Variants in DES observed in about 807,000 individuals in gnomAD.
DES encodes desmin, also known as cardiomyopathy, dilated 1F (autosomal dominant).
In DES, 34 loss-of-function variants were observed where a neutral mutation model predicts 55.1. The observed-to-expected ratio is 0.62, with a 90% confidence interval of 0.47 to 0.82. The LOEUF (loss-of-function observed/expected upper bound fraction) is 0.82, where lower values mean the gene tolerates loss of function less well. Among genes scored for constraint, DES ranks in the 40% least tolerant of loss-of-function variants. The pLI, the probability that DES is intolerant of heterozygous loss-of-function variation, is 0.00. For missense variants in DES, 596 were observed against 645.9 expected (o/e 0.92, Z 0.84); for synonymous variants, 259 against 270.8 (o/e 0.96, Z 0.43).
chr2:219,425,784 C>T (rs1159810639), intron 8 of DES, 39 bp downstream of exon 8: 7 of 1,604,984 alleles, frequency 4.4e-6, no homozygotes, highest in Non-Finnish European at 6.0e-6. Context: ...TTGGTGGGGG[C>T]TATGGATGTG....
In DES at chr2:219,418,984, G is replaced by A. The variant is rs1192053692; in HGVS notation, c.522G>A (p.Ala174=). ...RQVEVLTNQR[A]RVDVERDNLL... is the part of the protein sequence containing the mutation. ...TGGAGGTGCTCACTAACCAGCGCGC[G>A]CGCGTCGACGTCGAGCGCGACAACC... Residue 174 remains alanine (A), a synonymous_variant, in exon 1 of 9, where the codon GCG becomes GCA. Coordinates refer to ENST00000373960, the MANE Select transcript of DES (RefSeq NM_001927.4). 6.4e-7 allele frequency: 1 copy of A among 1,551,982 alleles called. No individual in the cohort carries two copies. Among genetic ancestry groups the A allele is most frequent in the Admixed American group, 1.9e-5 (1 of 51,408 alleles).
At position 219,419,555 on chromosome 2, in the gene DES, G is replaced by A. The variant is rs1032304941; in HGVS notation, c.578+515G>A. The stretch of plus-strand genomic sequence containing the variant: ...GGGAGCTTGGCCCTGGGGCCTTGCC[G>A]AGACTGTGTCTTTTTACAAGGTGAA... On this transcript the variant is annotated intron_variant, in intron 1 of 8. Transcript: ENST00000373960. This position sits in a 1 kb window ranked among gnomAD's most constrained non-coding sequence, Gnocchi z 4.3. Among the ~76,000 whole-genome samples, 2 of 152,170 alleles carry A rather than the reference G, an allele frequency of 1.3e-5. No individual in the cohort carries two copies. Among genetic ancestry groups the A allele is most frequent in the East Asian group, 3.9e-4 (2 of 5,188 alleles).
At chr2:219,421,073 TA>T (rs1954432511) in intron 5 of DES, 120 bp downstream of exon 5, 1 of 1,410,012 alleles carries the variant, frequency 7.1e-7, no homozygotes, top group Non-Finnish European at 9.7e-7. Flanking sequence ...AAATCTACAA[TA>T]GGGGTAAAAC....
At position 219,418,473 on chromosome 2, in the gene DES, C is replaced by G. The variant is rs1231213195; in HGVS notation, c.11C>G (p.Ala4Gly). Residue 4 changes from alanine to glycine, a missense_variant, in exon 1 of 9, where the codon GCC (alanine) becomes GGC (glycine). By Grantham distance (60) the Ala-to-Gly change is moderately conservative. Coordinates refer to ENST00000373960, the MANE Select transcript of DES (RefSeq NM_001927.4). ...GCCCGCGCCGTCACCATGAGCCAGG[C>G]CTACTCGTCCAGCCAGCGCGTGTCC... Reference protein sequence around the residue: MSQAYSSSQRVSSY... With the variant: MSQGYSSSQRVSSY... The G allele has an allele frequency of 6.3e-7, 1 of 1,596,854 alleles. No individual in the cohort carries two copies. Among genetic ancestry groups the G allele is most frequent in the South Asian group, 1.1e-5 (1 of 90,162 alleles).
In DES at chr2:219,419,966, C is replaced by G; in HGVS notation, c.579-129C>G. On this transcript the variant is annotated intron_variant, in intron 1 of 8. Transcript: ENST00000373960. This position sits in a 1 kb window ranked among gnomAD's most constrained non-coding sequence, Gnocchi z 4.3. The stretch of plus-strand genomic sequence containing the variant: ...GGGGCCTCTCCACTCCCTGTCTCTC[C>G]TGCCTCTACCCAGCAGCCAGGCCCT... 1.0e-6 allele frequency: 1 copy of G among 966,610 alleles called. No homozygotes were observed. The allele number at this position is 966,610 out of a possible 1,614,324, so 59.9% of individuals were successfully genotyped here.
Position 219,420,021 on chromosome 2 carries a change from C to A in DES, c.579-74C>A. On this transcript the variant is annotated intron_variant, in intron 1 of 8. Transcript: ENST00000373960. This position sits in a 1 kb window ranked among gnomAD's most constrained non-coding sequence, Gnocchi z 6.0. ...CTCTGTCCTGGACCCACCCCCTGGT[C>A]AGCCCCCGGCCAGTCGTTTCCACTG... 1 of 1,537,104 alleles carries A rather than the reference C, an allele frequency of 6.5e-7. No homozygotes were observed. The highest frequency in any genetic ancestry group is 1.1e-5 in the South Asian group (1 of 89,322).
rs772209367 is a variant in DES at position 219,420,361 on chromosome 2, C to T, written c.735+15C>T. 3 of 1,613,680 alleles carry T rather than the reference C, an allele frequency of 1.9e-6. No homozygotes were observed. The highest frequency in any genetic ancestry group is 1.7e-5 in the Admixed American group (1 of 60,002). ...TGCATGAAGAGGTATACCTTGGCCC[C>T]TCTTCCTGGGGTCACTGGGCCATGG... On this transcript the variant is annotated intron_variant, in intron 3 of 8. Coordinates refer to ENST00000373960, the MANE Select transcript of DES (RefSeq NM_001927.4). The surrounding 1 kb of genome is among the most constrained non-coding windows in gnomAD (Gnocchi z 6.0).
At position 219,426,338 on chromosome 2, in the gene DES, C is replaced by G; in HGVS notation, c.*348C>G. 2.2e-6 allele frequency: 1 copy of G among 464,138 alleles called. No homozygotes were observed. The highest frequency in any genetic ancestry group is 4.0e-6 in the Non-Finnish European group (1 of 250,138). 28.8% of individuals were successfully genotyped at this position (464,138 alleles called of 1,614,324 possible). ...CTAGCCTTTGGCTCTGGAGACAGCC[C>G]CAGAGCAGGGTGTTGGGATACTGCA... On this transcript the variant is annotated 3_prime_UTR_variant, in exon 9 of 9. Coordinates refer to ENST00000373960, the MANE Select transcript of DES (RefSeq NM_001927.4). This position sits in a 1 kb window ranked among gnomAD's most constrained non-coding sequence, Gnocchi z 4.5.
rs760162211 is a variant in DES at position 219,425,923 on chromosome 2, T to C, written c.1372-26T>C. On this transcript the variant is annotated intron_variant, in intron 8 of 8. Transcript: ENST00000373960. The stretch of plus-strand genomic sequence containing the variant: ...CTCCATTCTCTGGCTAGCACATGGT[T>C]GGACTGGGCTTCTCTTCCTCCCCAG... The C allele has an allele frequency of 6.8e-6, 11 of 1,613,772 alleles. No individual in the cohort carries two copies. In the African/African-American group the frequency reaches 1.5e-4, roughly 22 times the overall value.
intron 6 of DES, among the ~76,000 whole-genome samples, chr2:219,421,945 C>T (rs985274286): frequency 6.4e-4 from 97 of 152,102 alleles, no homozygotes; most frequent in African/African-American, 2.1e-3. Context: ...GGATTACAGG[C>T]GTGAGCCACC....
chr2:219,426,078 C>T lies in DES; in HGVS notation c.*88C>T, dbSNP rs1028862282. 9.1e-5 allele frequency: 133 copies of T among 1,463,172 alleles called. No homozygotes were observed. Among genetic ancestry groups the T allele is most frequent in the Non-Finnish European group, 1.2e-4 (131 of 1,054,726 alleles). The allele number at this position is 1,463,172 out of a possible 1,614,324, so 90.6% of individuals were successfully genotyped here. On this transcript the variant is annotated 3_prime_UTR_variant, in exon 9 of 9. Coordinates refer to ENST00000373960, the MANE Select transcript of DES (RefSeq NM_001927.4). This position sits in a 1 kb window ranked among gnomAD's most constrained non-coding sequence, Gnocchi z 4.5. ...AGCCTTCTTCCATCCCAGGACACCA[C>T]ACCCAGCCTCAGTCCTCCCCTCACA...
Position 219,418,594 on chromosome 2 carries a change from C to A in DES, c.132C>A (p.Gly44=), listed in dbSNP as rs769691296. ...CGCGGGCGGGTTTCGGCTCTAAGGG[C>A]TCCTCCAGCTCGGTGACGTCCCGCG... is the stretch of plus-strand genomic sequence containing the variant. ...VFPRAGFGSK[G]SSSSVTSRVY... The change falls in exon 1 of 9, where the codon GGC becomes GGA. Residue 44 remains glycine, a synonymous_variant. Transcript: ENST00000373960. 6.2e-7 allele frequency: 1 copy of A among 1,604,512 alleles called. No individual in the cohort carries two copies. Among genetic ancestry groups the A allele is most frequent in the Non-Finnish European group, 8.5e-7 (1 of 1,175,846 alleles).
intron 7 of DES, 124 bp from the exon 8 acceptor site, chr2:219,425,539 C>T: frequency 1.2e-6 from 1 of 816,916 alleles, no homozygotes; most frequent in Admixed American, 2.0e-5. Context: ...AGTAACAAGC[C>T]TGTCTTGAGG....
chr2:219,424,302 T>G (rs528071425), intron 7 of DES, among the ~76,000 whole-genome samples: 1 of 152,272 alleles, frequency 6.6e-6, no homozygotes, highest in South Asian at 2.1e-4. Context: ...ATGCCAAATC[T>G]TAGCAAAGCC....
In DES at chr2:219,419,033, A is replaced by C. The variant is rs1483093429; in HGVS notation, c.571A>C (p.Lys191Gln). Residue 191 changes from lysine to glutamine, a missense_variant, in exon 1 of 9, where the codon AAG becomes CAG. Coordinates refer to ENST00000373960, the MANE Select transcript of DES (RefSeq NM_001927.4). This position sits in a 1 kb window ranked among gnomAD's most constrained non-coding sequence, Gnocchi z 4.3. ...DNLLDDLQRLKAKLQEEIQLK... is the reference protein window; with the variant it reads ...DNLLDDLQRLQAKLQEEIQLK... ...CCTGCTCGACGACCTGCAGCGGCTC[A>C]AGGCCAAGTGAGGGCCCGGCACCCC... is the stretch of plus-strand genomic sequence containing the variant. The C allele has an allele frequency of 1.9e-6, 3 of 1,540,928 alleles. No homozygotes were observed. The highest frequency in any genetic ancestry group is 2.4e-5 in the South Asian group (2 of 84,070).
In DES at chr2:219,420,166, T is replaced by C; in HGVS notation, c.639+11T>C. The C allele has an allele frequency of 6.2e-7, 1 of 1,614,210 alleles. No individual in the cohort carries two copies. Among genetic ancestry groups the C allele is most frequent in the East Asian group, 2.2e-5 (1 of 44,880 alleles). On this transcript the variant is annotated intron_variant, in intron 2 of 8. Transcript: ENST00000373960. The surrounding 1 kb of genome is among the most constrained non-coding windows in gnomAD (Gnocchi z 6.0). Reference sequence around the variant, plus strand: ...GCTGCCTTCCGAGCGGTGAGTGCCCTTCTTTTCCCCTTGCATGGCCTCTGG... The same window carrying C: ...GCTGCCTTCCGAGCGGTGAGTGCCCCTCTTTTCCCCTTGCATGGCCTCTGG...
Position 219,421,410 on chromosome 2 carries a change from A to T in DES, c.1094A>T (p.Asp365Val), listed in dbSNP as rs753995173. 6.2e-7 allele frequency: 1 copy of T among 1,614,066 alleles called. No homozygotes were observed. Among genetic ancestry groups the T allele is most frequent in the Non-Finnish European group, 8.5e-7 (1 of 1,180,004 alleles). Reference protein sequence around the residue: ...RFASEASGYQDNIARLEEEIR... With the variant: ...RFASEASGYQVNIARLEEEIR... ...GCCAGTGAGGCCAGTGGCTACCAGG[A>T]CAACATTGCGCGCCTGGAGGAGGAA... Residue 365 changes from aspartate to valine, a missense_variant, in exon 6 of 9, where the codon GAC becomes GTC. By Grantham distance (152) the Asp-to-Val change is radical. Coordinates refer to ENST00000373960, the MANE Select transcript of DES (RefSeq NM_001927.4).
intron 5 of DES, 99 bp downstream of exon 5, chr2:219,421,052 T>C: frequency 1.3e-6 from 2 of 1,488,090 alleles, no homozygotes; most frequent in Admixed American, 3.9e-5. Context: ...TCTCTGGGCC[T>C]TCATCTACTT....
In DES at chr2:219,426,576, T is replaced by G; in HGVS notation, c.*586T>G. On this transcript the variant is annotated 3_prime_UTR_variant, in exon 9 of 9. Transcript: ENST00000373960. The surrounding 1 kb of genome is among the most constrained non-coding windows in gnomAD (Gnocchi z 4.5). ...AGGTGCTGGAGGTGGGAGCAGGAGA[T>G]TGAGAAGGAGAGAAAGTGGGTGAGA... 5.8e-6 allele frequency: 1 copy of G among 172,496 alleles called. No individual in the cohort carries two copies. Among genetic ancestry groups the G allele is most frequent in the Non-Finnish European group, 1.3e-5 (1 of 79,020 alleles). The allele number at this position is 172,496 out of a possible 1,614,324, so 10.7% of individuals were successfully genotyped here. A position where few individuals can be genotyped will look rare whatever the true frequency, so the allele number is the denominator to read the frequency against.
Sources: gnomAD v4.1 joint callset for allele counts (sites outside exome capture counted in the v4.1 genomes callset) on GRCh38, gnomAD v4.1.1 for gene constraint, Gnocchi (gnomAD v3.1) non-coding constraint, MANE v1.5 for transcripts, NCBI Gene and HGNC (gene_info 2026-07-23, HGNC 2026-07-21) for gene names.